The following ANTXR1 variants were observed in gnomAD, a reference collection of about 807,000 sequenced individuals.
The protein encoded by ANTXR1 is ANTXR cell adhesion molecule 1.
Under a neutral mutation model 78.1 loss-of-function variants are expected in ANTXR1, and 19 were observed. The observed-to-expected ratio is 0.24, with a 90% CI of 0.17 to 0.36. ANTXR1 has a LOEUF of 0.36. ANTXR1 is among the 10% of genes least tolerant of loss of function. ANTXR1 has a pLI of 1.00. For missense variants in ANTXR1, 518 were observed against 718.6 expected, an observed-to-expected ratio of 0.72 and a Z score of 3.19; for synonymous variants, 273 against 260.5, an observed-to-expected ratio of 1.05 and a Z score of -0.46.
At chr2:69,211,669 G>A (rs1462636948) in intron 17 of ANTXR1, among the ~76,000 whole-genome samples, 1 of 152,200 alleles carries the variant, frequency 6.6e-6, no homozygotes, top group Non-Finnish European at 1.5e-5. Flanking sequence ...GGGAACATAC[G>A]CAGCATTTCC....
intron 17 of ANTXR1, among the ~76,000 whole-genome samples, chr2:69,238,243 C>A (rs1369626211): frequency 6.6e-6 from 1 of 152,182 alleles, no homozygotes; most frequent in African/African-American, 2.4e-5. Context: ...CAACTGTGGC[C>A]AAGCTCAGGG....
In ANTXR1 at chr2:69,049,716, G is replaced by A. The variant is rs193286743; in HGVS notation, c.296+4903G>A. On this transcript the variant is annotated intron_variant, in intron 3 of 17. Coordinates refer to ENST00000303714, the MANE Select transcript of ANTXR1 (RefSeq NM_032208.3). ...GATTGTAGTATCTGTGATTAATTCTGTCTTCTTTTCTAATATTTATAGCTA... is the reference window on the plus strand; with the variant it reads ...GATTGTAGTATCTGTGATTAATTCTATCTTCTTTTCTAATATTTATAGCTA... Among the ~76,000 whole-genome samples, 392 of 152,182 alleles carry A rather than the reference G, an allele frequency of 2.6e-3. 2 individuals carry two copies. The highest frequency in any genetic ancestry group is 9.0e-3 in the African/African-American group (375 of 41,520).
chr2:69,201,182 G>T (rs1457703494), intron 17 of ANTXR1, among the ~76,000 whole-genome samples: 1 of 152,212 alleles, frequency 6.6e-6, no homozygotes, highest in South Asian at 2.1e-4. Context: ...CACATGAGGT[G>T]TGGGAGCTAT....
At chr2:69,071,821 A>G (rs1283421638) in intron 5 of ANTXR1, 34 bp downstream of exon 5, 1 of 1,602,124 alleles carries the variant, frequency 6.2e-7, no homozygotes, top group Non-Finnish European at 8.5e-7. Flanking sequence ...ATTATGAATT[A>G]TTTAACTTTT....
intron 17 of ANTXR1, among the ~76,000 whole-genome samples, chr2:69,219,083 G>A (rs1055552080): frequency 8.5e-5 from 13 of 152,168 alleles, no homozygotes; most frequent in South Asian, 2.1e-4. Context: ...ATTAAGCCAC[G>A]ATAAGACCCA....
chr2:69,204,293 T>C (rs1467873665), intron 17 of ANTXR1, among the ~76,000 whole-genome samples: 1 of 152,144 alleles, frequency 6.6e-6, no homozygotes, highest in Non-Finnish European at 1.5e-5. Context: ...TTTTGAACAG[T>C]GTGGGGAAGA....
chr2:69,120,771 C>T (rs964395060), intron 10 of ANTXR1, among the ~76,000 whole-genome samples: 10 of 152,222 alleles, frequency 6.6e-5, no homozygotes, highest in African/African-American at 2.4e-4. Flanking sequence ...GTCACCATTC[C>T]TGCAACATTC....
At chr2:69,061,748 A>G (rs1670252400) in intron 3 of ANTXR1, among the ~76,000 whole-genome samples, 1 of 152,226 alleles carries the variant, frequency 6.6e-6, no homozygotes, top group Admixed American at 6.5e-5. Context: ...ATCAAAGAGG[A>G]CTTTAAAAAA....
At chr2:69,088,147 T>C (rs1307590504) in intron 8 of ANTXR1, among the ~76,000 whole-genome samples, 1 of 152,202 alleles carries the variant, frequency 6.6e-6, no homozygotes, top group Non-Finnish European at 1.5e-5. Flanking sequence ...TTTGAGAGAA[T>C]AATACAGCAT....
At chr2:69,088,237 A>T in intron 8 of ANTXR1, among the ~76,000 whole-genome samples, 1 of 152,200 alleles carries the variant, frequency 6.6e-6, no homozygotes, top group East Asian at 1.9e-4. Flanking sequence ...TCCCTGGTTA[A>T]GGATCAGAGT....
intron 10 of ANTXR1, among the ~76,000 whole-genome samples, chr2:69,119,256 G>GGCGCTGCAGT (rs1415815265): frequency 6.6e-6 from 1 of 152,146 alleles, no homozygotes; most frequent in East Asian, 1.9e-4. Flanking sequence ...CCCTGGCTGT[G>GGCGCTGCAGT]GCGCTGCAGT....
At chr2:69,203,168 G>A (rs1315454047) in intron 17 of ANTXR1, among the ~76,000 whole-genome samples, 1 of 152,178 alleles carries the variant, frequency 6.6e-6, no homozygotes, top group Non-Finnish European at 1.5e-5. Context: ...CAACAGATCT[G>A]GAGGGAAAGT....
intron 10 of ANTXR1, among the ~76,000 whole-genome samples, chr2:69,109,170 A>T (rs1671904042): frequency 6.6e-6 from 1 of 152,188 alleles, no homozygotes; most frequent in African/African-American, 2.4e-5. Context: ...TGAGGTTTAA[A>T]TGTGGCAGGC....
At chr2:69,028,808 C>T (rs1671433589) in intron 1 of ANTXR1, among the ~76,000 whole-genome samples, 1 of 152,034 alleles carries the variant, frequency 6.6e-6, no homozygotes, top group African/African-American at 2.4e-5. Context: ...TATTCAAATC[C>T]ATTAGAAATA....
At chr2:69,141,986 T>G (rs1673082407) in intron 12 of ANTXR1, among the ~76,000 whole-genome samples, 1 of 152,242 alleles carries the variant, frequency 6.6e-6, no homozygotes, top group Non-Finnish European at 1.5e-5. Flanking sequence ...TGTCCCATTC[T>G]TGGAGTAGTT....
intron 16 of ANTXR1, among the ~76,000 whole-genome samples, chr2:69,189,943 A>G (rs1010277551): frequency 6.6e-6 from 1 of 152,236 alleles, no homozygotes; most frequent in African/African-American, 2.4e-5. Context: ...AGATACCCAG[A>G]TCTGGAGCTC....
rs796863583 is a variant in ANTXR1 at position 69,140,586 on chromosome 2, T to C, written c.952-11583T>C. Among the ~76,000 whole-genome samples, 3 of 152,212 alleles carry C rather than the reference T, an allele frequency of 2.0e-5. No homozygotes were observed. The South Asian group carries it at 6.2e-4, about 32-fold the overall frequency. ...CTCAGAACTTTCATGAATGCTTTCA[T>C]GAAAAGCAAAGCATGACTAAGAGAT... On this transcript the variant is annotated intron_variant, in intron 12 of 17. Coordinates refer to ENST00000303714, the MANE Select transcript of ANTXR1 (RefSeq NM_032208.3).
chr2:69,223,116 A>G (rs187155492), intron 17 of ANTXR1, among the ~76,000 whole-genome samples: 25 of 152,314 alleles, frequency 1.6e-4, no homozygotes, highest in African/African-American at 6.0e-4. Context: ...ATCAGCCTCA[A>G]GTCACCTCTA....
intron 17 of ANTXR1, among the ~76,000 whole-genome samples, chr2:69,227,768 C>T (rs1170511258): frequency 6.6e-6 from 1 of 152,146 alleles, no homozygotes; most frequent in African/African-American, 2.4e-5. Context: ...CTTTAAGGCA[C>T]AGCTTAGAAT....
Sources: allele counts gnomAD v4.1 joint callset (sites outside exome capture counted in the v4.1 genomes callset), GRCh38; gene constraint gnomAD v4.1.1; transcripts MANE v1.5; gene names NCBI Gene and HGNC (gene_info 2026-07-23, HGNC 2026-07-21).